The following CERS6 variants were observed in gnomAD, a reference collection of about 807,000 sequenced individuals.
CERS6 encodes LAG1 homolog, ceramide synthase 6.
Under a neutral mutation model 56.8 loss-of-function variants are expected in CERS6, and 26 were observed. That is an observed-to-expected ratio of 0.46 (90% CI 0.34 to 0.63). The LOEUF (loss-of-function observed/expected upper bound fraction) is 0.63. Among genes scored for constraint, CERS6 ranks in the 30% least tolerant of loss-of-function variants. The pLI is 0.01. For missense variants in CERS6, 415 were observed against 467.5 expected (o/e 0.89, Z 1.04); for synonymous variants, 164 against 173.3 (o/e 0.95, Z 0.42).
chr2:168,581,087 T>C (rs1683396249), intron 3 of CERS6, among the ~76,000 whole-genome samples: 1 of 151,950 alleles, frequency 6.6e-6, no homozygotes, highest in Non-Finnish European at 1.5e-5. Flanking sequence ...GGTGCAATCT[T>C]GGCTCACTGC....
At chr2:168,547,573 T>C in intron 1 of CERS6, 23 bp from the exon 2 acceptor site, 1 of 1,501,228 alleles carries the variant, frequency 6.7e-7, no homozygotes, top group Non-Finnish European at 9.2e-7. Flanking sequence ...GACCTTCTAC[T>C]TTTTTCTTTT....
At chr2:168,508,373 C>T (rs1694718524) in intron 1 of CERS6, among the ~76,000 whole-genome samples, 1 of 152,168 alleles carries the variant, frequency 6.6e-6, no homozygotes, top group African/African-American at 2.4e-5. Flanking sequence ...TAATTGCATC[C>T]TCAGGCCAAC....
intron 4 of CERS6, among the ~76,000 whole-genome samples, chr2:168,631,902 A>G (rs1422838194): frequency 7.2e-6 from 1 of 138,524 alleles, no homozygotes; most frequent in African/African-American, 2.7e-5. Flanking sequence ...TACATATTAT[A>G]TATATAATAT....
chr2:168,740,535 G>A (rs571287394), intron 8 of CERS6, among the ~76,000 whole-genome samples: 36 of 152,242 alleles, frequency 2.4e-4, no homozygotes, highest in Non-Finnish European at 3.7e-4. Context: ...TTATGAAGAC[G>A]TATCAACTGC....
Position 168,769,793 on chromosome 2 carries a change from A to C in CERS6, c.*131A>C. On this transcript the variant is annotated 3_prime_UTR_variant, in exon 10 of 10. Transcript: ENST00000305747. Reference sequence around the variant, plus strand: ...AAATTAAGATTATCAAAGCATTTTGAATAGTGCACTGCCATGTGTCCTGTC... The same window carrying C: ...AAATTAAGATTATCAAAGCATTTTGCATAGTGCACTGCCATGTGTCCTGTC... 1 of 846,866 alleles carries C rather than the reference A, an allele frequency of 1.2e-6. No individual in the cohort carries two copies. The highest frequency in any genetic ancestry group is 1.9e-6 in the Non-Finnish European group (1 of 528,964). 52.5% of individuals were successfully genotyped at this position (846,866 alleles called of 1,614,324 possible). A position where few individuals can be genotyped will look rare whatever the true frequency, so the allele number is the denominator to read the frequency against.
chr2:168,589,425 A>G (rs1220197947), intron 3 of CERS6, among the ~76,000 whole-genome samples: 1 of 152,218 alleles, frequency 6.6e-6, no homozygotes, highest in Non-Finnish European at 1.5e-5. Flanking sequence ...GTCAGGTAGC[A>G]TGGTTCTGGG....
intron 1 of CERS6, among the ~76,000 whole-genome samples, chr2:168,465,461 T>G (rs188161274): frequency 6.6e-6 from 1 of 152,288 alleles, no homozygotes; most frequent in African/African-American, 2.4e-5. Context: ...AGGCCCCACC[T>G]CCTAACACCA....
At chr2:168,578,398 T>C (rs1003086919) in intron 3 of CERS6, among the ~76,000 whole-genome samples, 2 of 152,182 alleles carry the variant, frequency 1.3e-5, no homozygotes, top group Non-Finnish European at 2.9e-5. Context: ...TAGTAAATTT[T>C]TGTTAAATTG....
At chr2:168,616,100 G>GT (rs1269169728) in intron 3 of CERS6, among the ~76,000 whole-genome samples, 3 of 152,170 alleles carry the variant, frequency 2.0e-5, no homozygotes, top group Non-Finnish European at 2.9e-5. Flanking sequence ...TCAGCCGAAA[G>GT]TTTTGTATCC....
chr2:168,594,783 C>G (rs1683757806), intron 3 of CERS6, among the ~76,000 whole-genome samples: 1 of 152,098 alleles, frequency 6.6e-6, no homozygotes, highest in Non-Finnish European at 1.5e-5. Context: ...TCCCTGAGCC[C>G]CTGTGGAACT....
intron 4 of CERS6, among the ~76,000 whole-genome samples, chr2:168,681,885 G>A (rs560889965): frequency 1.4e-3 from 215 of 152,196 alleles, no homozygotes; most frequent in Non-Finnish European, 2.7e-3. Context: ...AGAACCTGAG[G>A]TACTTGTCTT....
intron 1 of CERS6, among the ~76,000 whole-genome samples, chr2:168,465,676 A>G (rs1326121220): frequency 6.6e-6 from 1 of 152,220 alleles, no homozygotes; most frequent in Non-Finnish European, 1.5e-5. Flanking sequence ...AGGTACCTAG[A>G]GTAGTCAGAT....
At chr2:168,668,028 C>T (rs888767383) in intron 4 of CERS6, among the ~76,000 whole-genome samples, 4 of 152,048 alleles carry the variant, frequency 2.6e-5, no homozygotes, top group Non-Finnish European at 5.9e-5. Flanking sequence ...GAGGGCAGAT[C>T]GTAAGTTGTA....
In CERS6 at chr2:168,765,603, C is replaced by G. The variant is rs750984323; in HGVS notation, c.857C>G (p.Thr286Ser). The G allele has an allele frequency of 6.2e-7, 1 of 1,613,252 alleles. No homozygotes were observed. Among genetic ancestry groups the G allele is most frequent in the Non-Finnish European group, 8.5e-7 (1 of 1,179,724 alleles). The part of the protein sequence containing the change: ...LGIFPLWVLN[T>S]TLFESWEIVG... ...CTTCTTTTCCTTAGGGTGTTAAATA[C>G]CACATTATTTGAAAGCTGGGAGATC... Residue 286 changes from threonine to serine, a missense_variant, in exon 9 of 10, where the codon ACC (threonine) becomes AGC (serine). Coordinates refer to ENST00000305747, the MANE Select transcript of CERS6 (RefSeq NM_203463.3).
intron 4 of CERS6, among the ~76,000 whole-genome samples, chr2:168,664,311 A>C (rs1319632378): frequency 6.6e-6 from 1 of 152,144 alleles, no homozygotes; most frequent in African/African-American, 2.4e-5. Context: ...ATGTGATGGC[A>C]CTAGCAGCTT....
At chr2:168,582,998 CAT>C (rs1411861801) in intron 3 of CERS6, 15 of 154,060 alleles carry the variant, frequency 9.7e-5, no homozygotes, top group Admixed American at 7.2e-4. Context: ...AATTGCCTAA[CAT>C]GTGCCAGAAA....
At chr2:168,668,508 A>G (rs563897748) in intron 4 of CERS6, among the ~76,000 whole-genome samples, 65 of 147,268 alleles carry the variant, frequency 4.4e-4, no homozygotes, top group Middle Eastern at 3.6e-3. Context: ...GTTCAGTGGC[A>G]TAATCTGTAC....
intron 1 of CERS6, among the ~76,000 whole-genome samples, chr2:168,486,027 T>C: frequency 6.6e-6 from 1 of 152,188 alleles, no homozygotes; most frequent in East Asian, 1.9e-4. Flanking sequence ...ATTTTTTGTT[T>C]TAGTATTTTA....
chr2:168,467,489 G>T (rs1264396277), intron 1 of CERS6, among the ~76,000 whole-genome samples: 1 of 152,176 alleles, frequency 6.6e-6, no homozygotes, highest in African/African-American at 2.4e-5. Context: ...TATTTAAATT[G>T]TGTTGCTCTT....
Sources: gnomAD v4.1 joint callset for allele counts (sites outside exome capture counted in the v4.1 genomes callset) on GRCh38, gnomAD v4.1.1 for gene constraint, MANE v1.5 for transcripts, NCBI Gene and HGNC (gene_info 2026-07-23, HGNC 2026-07-21) for gene names.